SNX25: variants seen among roughly 807,000 people sequenced by gnomAD.
SNX25 encodes the protein sorting nexin-25.
A neutral mutation model predicts 113.7 loss-of-function variants in SNX25; 62 were observed. That is an observed-to-expected ratio of 0.55 (90% CI 0.44 to 0.67). SNX25 has a LOEUF of 0.67. SNX25 is among the 30% of genes least tolerant of loss of function. The pLI, the probability that SNX25 is intolerant of heterozygous loss-of-function variation, is 0.00. For missense variants in SNX25, 1,014 were observed against 1,161.0 expected (o/e 0.87, Z 1.84); for synonymous variants, 421 against 436.2 (o/e 0.97, Z 0.43).
intron 10 of SNX25, among the ~76,000 whole-genome samples, chr4:185,333,892 A>G (rs991839583): frequency 4.6e-5 from 7 of 151,912 alleles, no homozygotes; most frequent in African/African-American, 1.7e-4. Flanking sequence ...AAAAATAAAA[A>G]AAAAAATCAG....
chr4:185,351,912 G>A (rs969892960), intron 14 of SNX25, among the ~76,000 whole-genome samples: 1 of 148,758 alleles, frequency 6.7e-6, no homozygotes, highest in South Asian at 2.1e-4. Context: ...ATTGCGGGGT[G>A]GGGGGGTTCA....
chr4:185,324,255 G>A (rs2095140434), intron 9 of SNX25, among the ~76,000 whole-genome samples: 1 of 152,162 alleles, frequency 6.6e-6, no homozygotes, highest in African/African-American at 2.4e-5. Flanking sequence ...TGTGGGAGAA[G>A]TTAAAGGAAA....
chr4:185,248,849 C>T (rs536915823), intron 2 of SNX25, among the ~76,000 whole-genome samples: 3 of 152,308 alleles, frequency 2.0e-5, no homozygotes, highest in South Asian at 4.1e-4. Context: ...TCAACACCCA[C>T]CCTTCATGGT....
At chr4:185,281,737 T>C (rs766500394) in intron 5 of SNX25, among the ~76,000 whole-genome samples, 2 of 152,184 alleles carry the variant, frequency 1.3e-5, no homozygotes, top group Non-Finnish European at 2.9e-5. Context: ...TTCTTTAAGC[T>C]GGGTGCGGTG....
chr4:185,221,550 G>A (rs911858728), intron 1 of SNX25, among the ~76,000 whole-genome samples: 1 of 152,052 alleles, frequency 6.6e-6, no homozygotes, highest in Non-Finnish European at 1.5e-5. Context: ...CTAGATGACT[G>A]TAACAACCTT....
chr4:185,312,524 T>C (rs2095039146), intron 7 of SNX25, among the ~76,000 whole-genome samples: 1 of 150,854 alleles, frequency 6.6e-6, no homozygotes, highest in Non-Finnish European at 1.5e-5. Flanking sequence ...TTTGATTTGT[T>C]CTTTTTTTTT....
chr4:185,295,451 C>CTTT lies in SNX25; in HGVS notation c.1162+7383_1162+7385dup, dbSNP rs11342153. Among the ~76,000 whole-genome samples, 81 of 137,650 alleles carry CTTT rather than the reference C, an allele frequency of 5.9e-4. No individual in the cohort carries two copies. In the South Asian group the frequency reaches 0.017, roughly 30 times the overall value. The allele number at this position is 137,650 out of a possible 152,430, so 90.3% of individuals were successfully genotyped here. On this transcript the variant is annotated intron_variant, in intron 6 of 18. Transcript: ENST00000652585. ...CCATATAAAGATGTTTCTGGTGAGT[C>CTTT]TTTTTTTTTTTTTTTTGAGACAGGG...
upstream of SNX25, chr4:185,209,503 C>G (rs931615617): frequency 2.5e-5 from 4 of 157,238 alleles, no homozygotes; most frequent in African/African-American, 9.6e-5. This position sits in a 1 kb window ranked among gnomAD's most constrained non-coding sequence, Gnocchi z 5.2. Flanking sequence ...TGGGCGCCTC[C>G]CGGCTGTCAC....
intron 9 of SNX25, among the ~76,000 whole-genome samples, chr4:185,324,407 T>A (rs932295503): frequency 7.2e-5 from 11 of 152,188 alleles, no homozygotes; most frequent in African/African-American, 2.4e-4. Context: ...TCTGGCCGAT[T>A]TCAGTCAGGA....
chr4:185,374,490 C>T, downstream of SNX25: 1 of 1,602,652 alleles, frequency 6.2e-7, no homozygotes, highest in Non-Finnish European at 8.5e-7. Context: ...CAAAAAAACC[C>T]TAGTTTTTAG....
At chr4:185,300,769 G>C (rs369822125) in intron 6 of SNX25, among the ~76,000 whole-genome samples, 1 of 151,454 alleles carries the variant, frequency 6.6e-6, no homozygotes, top group African/African-American at 2.4e-5. Context: ...TGGAACCTTT[G>C]GGAGGTGATT....
At position 185,362,059 on chromosome 4, in the gene SNX25, G is replaced by A; in HGVS notation, c.2787G>A (p.Gln929=). Residue 929 remains glutamine, a synonymous_variant, in exon 17 of 19, where the codon CAG becomes CAA. Coordinates refer to ENST00000652585, the MANE Select transcript of SNX25 (RefSeq NM_001378034.2). The part of the protein sequence containing the change: ...PTTIRSKEQS[Q]ETKQRAQQKL... The stretch of plus-strand genomic sequence containing the variant: ...CAATCAGAAGCAAAGAGCAAAGTCA[G>A]GAAACAAAACAGAGAGCACAGCAAA... 1 of 1,614,032 alleles carries A rather than the reference G, an allele frequency of 6.2e-7. No homozygotes were observed. The highest frequency in any genetic ancestry group is 8.5e-7 in the Non-Finnish European group (1 of 1,179,950).
At chr4:185,359,190 A>G (rs1367292455) in intron 16 of SNX25, among the ~76,000 whole-genome samples, 2 of 152,116 alleles carry the variant, frequency 1.3e-5, no homozygotes, top group Non-Finnish European at 2.9e-5. Context: ...CTGTCTCTAC[A>G]GAAAATAAAA....
intron 9 of SNX25, among the ~76,000 whole-genome samples, chr4:185,326,289 A>G (rs2095156845): frequency 6.6e-6 from 1 of 152,196 alleles, no homozygotes; most frequent in Admixed American, 6.5e-5. Context: ...CCTGCTTGAC[A>G]TTAATGAACA....
chr4:185,361,388 G>A (rs1233707005), intron 16 of SNX25, among the ~76,000 whole-genome samples: 1 of 152,154 alleles, frequency 6.6e-6, no homozygotes, highest in African/African-American at 2.4e-5. Context: ...ATTTGGAGAA[G>A]TTAGTGCCAA....
intron 1 of SNX25, among the ~76,000 whole-genome samples, chr4:185,236,135 A>G (rs1229397050): frequency 1.3e-5 from 2 of 152,128 alleles, no homozygotes; most frequent in African/African-American, 4.8e-5. Flanking sequence ...CCTACTTCTC[A>G]CCCTCTGCCT....
chr4:185,359,659 T>A (rs961440978), intron 16 of SNX25, among the ~76,000 whole-genome samples: 2 of 152,162 alleles, frequency 1.3e-5, no homozygotes, highest in Non-Finnish European at 2.9e-5. Flanking sequence ...CTGGGCATGG[T>A]GGGTGCATGC....
intron 6 of SNX25, among the ~76,000 whole-genome samples, chr4:185,299,436 C>T (rs953018396): frequency 1.3e-5 from 2 of 152,138 alleles, no homozygotes; most frequent in Non-Finnish European, 2.9e-5. Flanking sequence ...CTTGTTAAAA[C>T]GCAGATTGCT....
At chr4:185,347,262 G>A (rs981236678) in intron 13 of SNX25, among the ~76,000 whole-genome samples, 5 of 152,096 alleles carry the variant, frequency 3.3e-5, no homozygotes, top group African/African-American at 7.2e-5. Flanking sequence ...AATATCTGTC[G>A]GCTGATGCCC....
Sources: gnomAD v4.1 joint callset for allele counts (sites outside exome capture counted in the v4.1 genomes callset) on GRCh38, gnomAD v4.1.1 for gene constraint, Gnocchi (gnomAD v3.1) non-coding constraint, MANE v1.5 for transcripts, NCBI Gene and HGNC (gene_info 2026-07-23, HGNC 2026-07-21) for gene names.